KRABD3: variants seen among roughly 807,000 people sequenced by gnomAD.
KRABD3 encodes KRAB domain-containing protein 3.
At chr7:149,718,512 A>C in the KRABD3 span, among the ~76,000 whole-genome samples, 2 of 99,778 alleles carry the variant, frequency 2.0e-5, no homozygotes, top group African/African-American at 6.9e-5. Context: ...CCACTGAAGG[A>C]CTTTTTTTTT....
At chr7:149,723,528 C>T in the KRABD3 span, 1 of 559,050 alleles carries the variant, frequency 1.8e-6, no homozygotes, top group Non-Finnish European at 3.2e-6. Context: ...TGTCTGCCTG[C>T]AGGGCGAATT....
the KRABD3 span, among the ~76,000 whole-genome samples, chr7:149,727,284 G>A: frequency 6.6e-6 from 1 of 152,222 alleles, no homozygotes; most frequent in Non-Finnish European, 1.5e-5. Flanking sequence ...CCAGGCCTGT[G>A]GGGCCTGTAG....
At chr7:149,722,499 A>T in the KRABD3 span, 5 of 1,605,466 alleles carry the variant, frequency 3.1e-6, no homozygotes, top group Non-Finnish European at 4.3e-6. Flanking sequence ...TCCCACCCAT[A>T]GCCCCAGCAG....
chr7:149,728,546 C>T, the KRABD3 span: 1 of 1,613,680 alleles, frequency 6.2e-7, no homozygotes, highest in Non-Finnish European at 8.5e-7. Context: ...AAGCTCCCCA[C>T]TGCAGGGTCT....
At chr7:149,725,965 G>A in the KRABD3 span, 7 of 1,606,684 alleles carry the variant, frequency 4.4e-6, no homozygotes, top group Admixed American at 3.4e-5. Flanking sequence ...CTGGCCCCCC[G>A]AGGAACCCCC....
the KRABD3 span, chr7:149,721,793 A>G: frequency 3.1e-6 from 2 of 648,572 alleles, no homozygotes; most frequent in Admixed American, 4.2e-5. Flanking sequence ...CTTTGTACAC[A>G]GAAAGTCTCC....
At chr7:149,719,035 C>G in the KRABD3 span, among the ~76,000 whole-genome samples, 23 of 152,208 alleles carry the variant, frequency 1.5e-4, no homozygotes, top group Non-Finnish European at 2.2e-4. The surrounding 1 kb of genome is among the most constrained non-coding windows in gnomAD (Gnocchi z 5.6). Flanking sequence ...TCTCTCACAG[C>G]CCTGCAGACC....
the KRABD3 span, chr7:149,719,625 T>C: frequency 1.9e-6 from 3 of 1,608,218 alleles, no homozygotes; most frequent in Non-Finnish European, 2.5e-6. This position sits in a 1 kb window ranked among gnomAD's most constrained non-coding sequence, Gnocchi z 5.6. Flanking sequence ...CAGAGGGAGT[T>C]CTACCGAGAC....
the KRABD3 span, chr7:149,715,008 G>GA: frequency 8.2e-7 from 1 of 1,224,918 alleles, no homozygotes; most frequent in African/African-American, 1.6e-5. Context: ...GCCCGCGCCA[G>GA]GGCCCGCGCC....
the KRABD3 span, chr7:149,722,296 C>CA: frequency 7.4e-7 from 1 of 1,351,412 alleles, no homozygotes; most frequent in Non-Finnish European, 1.0e-6. Context: ...TAAAGGCCCT[C>CA]AGCCCACCTC....
At chr7:149,727,505 C>T in the KRABD3 span, among the ~76,000 whole-genome samples, 333 of 152,316 alleles carry the variant, frequency 2.2e-3, 3 homozygotes, top group Admixed American at 7.3e-3. Flanking sequence ...TGTGAGTTCA[C>T]TCCCCTCCTC....
the KRABD3 span, among the ~76,000 whole-genome samples, chr7:149,726,743 A>G: frequency 2.0e-5 from 3 of 151,996 alleles, no homozygotes; most frequent in Non-Finnish European, 1.5e-5. Flanking sequence ...CAGCCTGTAC[A>G]GAAGATTTAA....
At chr7:149,729,094 C>A in the KRABD3 span, 3 of 1,014,300 alleles carry the variant, frequency 3.0e-6, no homozygotes, top group Non-Finnish European at 4.0e-6. Flanking sequence ...TGCCTGAGAG[C>A]CCAGCAATGG....
At chr7:149,732,874 G>A in the KRABD3 span, among the ~76,000 whole-genome samples, 2 of 152,044 alleles carry the variant, frequency 1.3e-5, no homozygotes, top group Admixed American at 1.3e-4. The surrounding 1 kb of genome is among the most constrained non-coding windows in gnomAD (Gnocchi z 4.0). Flanking sequence ...CTGACTCCTA[G>A]GGCAGGGTGC....
chr7:149,720,064 G>A, the KRABD3 span: 1 of 1,553,734 alleles, frequency 6.4e-7, no homozygotes, highest in South Asian at 1.2e-5. Context: ...GCCTGGAAGA[G>A]CTGTTGGGGG....
chr7:149,719,907 A>G, the KRABD3 span: 11 of 1,373,768 alleles, frequency 8.0e-6, no homozygotes, highest in South Asian at 1.5e-5. This position sits in a 1 kb window ranked among gnomAD's most constrained non-coding sequence, Gnocchi z 5.6. Flanking sequence ...AAGTGGTCAC[A>G]TGAATGTGCA....
chr7:149,730,579 G>T, the KRABD3 span: 5 of 1,608,944 alleles, frequency 3.1e-6, no homozygotes, highest in Non-Finnish European at 3.4e-6. Context: ...GTGAGCCTGG[G>T]GTCTCCTGAG....
the KRABD3 span, chr7:149,730,714 G>A: frequency 7.6e-6 from 8 of 1,059,338 alleles, no homozygotes; most frequent in South Asian, 9.8e-5. Flanking sequence ...TCCCTGTAAG[G>A]TGAGCTGTGT....
At chr7:149,715,028 G>A in the KRABD3 span, 2 of 1,228,242 alleles carry the variant, frequency 1.6e-6, no homozygotes, top group Non-Finnish European at 2.0e-6. Flanking sequence ...CGGAAACCGA[G>A]GAGTGGCGGG....
Sources: allele counts gnomAD v4.1 joint callset (sites outside exome capture counted in the v4.1 genomes callset), GRCh38; gene constraint gnomAD v4.1.1; non-coding constraint Gnocchi (gnomAD v3.1); transcripts MANE v1.5; gene names NCBI Gene and HGNC (gene_info 2026-07-23, HGNC 2026-07-21).